Variants in PPP2R2B observed in about 807,000 individuals in gnomAD.
The protein encoded by PPP2R2B is serine/threonine-protein phosphatase 2A 55 kDa regulatory subunit B beta isoform.
In PPP2R2B, 5 loss-of-function variants were observed where a neutral mutation model predicts 46.0. That is an observed-to-expected ratio of 0.11 (90% CI 0.06 to 0.23). PPP2R2B has a LOEUF of 0.23. PPP2R2B is among the 10% of genes least tolerant of loss of function. The pLI, the probability that PPP2R2B is intolerant of heterozygous loss-of-function variation, is 1.00. For synonymous variants in PPP2R2B, 215 were observed against 206.7 expected (o/e 1.04, Z -0.34); for missense variants, 367 against 575.0 (o/e 0.64, Z 3.70).
chr5:146,862,203 T>C (rs1761047431), intron 2 of PPP2R2B, among the ~76,000 whole-genome samples: 1 of 152,210 alleles, frequency 6.6e-6, no homozygotes, highest in Non-Finnish European at 1.5e-5. Flanking sequence ...CCTGCAAGTC[T>C]AAACTCCCAA....
At chr5:146,935,949 G>C (rs1333096350) in intron 1 of PPP2R2B, among the ~76,000 whole-genome samples, 1 of 152,124 alleles carries the variant, frequency 6.6e-6, no homozygotes, top group Non-Finnish European at 1.5e-5. Flanking sequence ...TCTATATAAT[G>C]GGGAATATAC....
chr5:146,831,710 A>G (rs1758952719), intron 2 of PPP2R2B, among the ~76,000 whole-genome samples: 1 of 152,168 alleles, frequency 6.6e-6, no homozygotes, highest in Admixed American at 6.5e-5. Flanking sequence ...AGAATCCTTG[A>G]ACCTGGGAGG....
At chr5:146,644,062 C>T (rs553528001) in intron 6 of PPP2R2B, among the ~76,000 whole-genome samples, 43 of 152,126 alleles carry the variant, frequency 2.8e-4, no homozygotes, top group African/African-American at 9.6e-4. Flanking sequence ...GTTTGCCAAC[C>T]TGTTCTAACC....
intron 9 of PPP2R2B, among the ~76,000 whole-genome samples, chr5:146,592,619 C>T (rs1337005652): frequency 3.3e-5 from 5 of 152,228 alleles, no homozygotes; most frequent in Non-Finnish European, 4.4e-5. Context: ...GGAAAGCCTA[C>T]TTGGCATTAA....
At chr5:146,896,027 T>G (rs1762634679) in intron 1 of PPP2R2B, among the ~76,000 whole-genome samples, 4 of 152,100 alleles carry the variant, frequency 2.6e-5, no homozygotes, top group Admixed American at 6.6e-5. Context: ...ATTGTCTGAG[T>G]GGTCGCCTGG....
intron 1 of PPP2R2B, among the ~76,000 whole-genome samples, chr5:147,042,933 T>C (rs1756381449): frequency 1.3e-5 from 2 of 152,072 alleles, no homozygotes; most frequent in South Asian, 4.1e-4. Context: ...CGTGGTCTGT[T>C]TGAAGAACAG....
At chr5:146,696,571 T>A (rs1219506628) in intron 4 of PPP2R2B, among the ~76,000 whole-genome samples, 1 of 152,202 alleles carries the variant, frequency 6.6e-6, no homozygotes, top group Non-Finnish European at 1.5e-5. Flanking sequence ...AGCCCGTTAG[T>A]GAAACTTAAA....
At chr5:146,679,328 ACTGG>A (rs1777971806) in intron 5 of PPP2R2B, among the ~76,000 whole-genome samples, 1 of 34,936 alleles carries the variant, frequency 2.9e-5, no homozygotes, top group African/African-American at 2.8e-4. Context: ...TGCTGGGAAA[ACTGG>A]CTAGCCATAT....
At chr5:147,015,361 A>G (rs1754954896) in intron 1 of PPP2R2B, among the ~76,000 whole-genome samples, 1 of 151,646 alleles carries the variant, frequency 6.6e-6, no homozygotes, top group Non-Finnish European at 1.5e-5. Context: ...TTCTACTGAC[A>G]TTTGAATTTT....
intron 2 of PPP2R2B, among the ~76,000 whole-genome samples, chr5:146,791,304 A>G (rs775250923): frequency 5.3e-5 from 8 of 152,158 alleles, no homozygotes; most frequent in Non-Finnish European, 1.0e-4. Flanking sequence ...TATTTTGCCA[A>G]TCTTTTTCTG....
chr5:146,658,273 G>T (rs1363499966), intron 5 of PPP2R2B, among the ~76,000 whole-genome samples: 2 of 152,150 alleles, frequency 1.3e-5, no homozygotes, highest in Non-Finnish European at 2.9e-5. Context: ...ATCCCATCTT[G>T]AGGCACTAGA....
At chr5:147,004,818 T>G (rs4499882) in intron 1 of PPP2R2B, among the ~76,000 whole-genome samples, 79,390 of 151,872 alleles carry the variant, frequency 0.52, 21,420 homozygotes, top group Middle Eastern at 0.62. Context: ...ATAGCTCTTG[T>G]GGTCCTTACT....
At chr5:146,833,730 C>A (rs1363240903) in intron 2 of PPP2R2B, among the ~76,000 whole-genome samples, 1 of 151,942 alleles carries the variant, frequency 6.6e-6, no homozygotes, top group Non-Finnish European at 1.5e-5. Flanking sequence ...TCTCTCTCCC[C>A]CTGCCCTTCC....
At chr5:146,976,215 G>A (rs1752898531) in intron 1 of PPP2R2B, among the ~76,000 whole-genome samples, 1 of 151,606 alleles carries the variant, frequency 6.6e-6, no homozygotes, top group Non-Finnish European at 1.5e-5. Flanking sequence ...TCGGCTCACT[G>A]CAACTTCTGC....
At chr5:146,911,315 C>A (rs2151805673) in intron 1 of PPP2R2B, among the ~76,000 whole-genome samples, 1 of 152,280 alleles carries the variant, frequency 6.6e-6, no homozygotes, top group African/African-American at 2.4e-5. Context: ...AACTCCTGAC[C>A]TTGTGATCCT....
chr5:146,865,558 G>GA (rs1258129310), intron 2 of PPP2R2B, among the ~76,000 whole-genome samples: 4 of 152,136 alleles, frequency 2.6e-5, no homozygotes, highest in Non-Finnish European at 1.5e-5. Flanking sequence ...AGTTCTGTGA[G>GA]AGCAGGGTCT....
intron 2 of PPP2R2B, 137 bp from the exon 3 acceptor site, chr5:146,701,279 T>C: frequency 1.1e-6 from 1 of 889,826 alleles, no homozygotes; most frequent in Non-Finnish European, 1.9e-6. Flanking sequence ...TGTTATGTTC[T>C]GGGTTTTAAA....
chr5:146,944,448 A>G (rs1444213972), intron 1 of PPP2R2B, among the ~76,000 whole-genome samples: 1 of 152,208 alleles, frequency 6.6e-6, no homozygotes, highest in African/African-American at 2.4e-5. Context: ...AAAGGTTCAG[A>G]GAAATCACAA....
At chr5:146,846,521 T>C (rs1283090134) in intron 2 of PPP2R2B, among the ~76,000 whole-genome samples, 1 of 150,870 alleles carries the variant, frequency 6.6e-6, no homozygotes, top group Non-Finnish European at 1.5e-5. Flanking sequence ...CTACTAAAAA[T>C]ACAAAAATCA....
Sources: allele counts gnomAD v4.1 joint callset (sites outside exome capture counted in the v4.1 genomes callset), GRCh38; gene constraint gnomAD v4.1.1; transcripts MANE v1.5; gene names NCBI Gene and HGNC (gene_info 2026-07-23, HGNC 2026-07-21).